Variants in ABCB7 observed in about 807,000 individuals in gnomAD.
The protein encoded by ABCB7 is iron-sulfur clusters transporter ABCB7, mitochondrial.
In ABCB7, 7 loss-of-function variants were observed where a neutral mutation model predicts 54.4. That is an observed-to-expected ratio of 0.13 (90% CI 0.07 to 0.24). ABCB7 has a LOEUF of 0.24. Ranked by LOEUF, ABCB7 falls within the 10% of genes least tolerant of loss-of-function variation. The pLI is 1.00. For synonymous variants in ABCB7, 218 were observed against 207.1 expected (o/e 1.05, Z -0.45); for missense variants, 356 against 570.4 (o/e 0.62, Z 3.83).
intron 12 of ABCB7, among the ~76,000 whole-genome samples, chrX:75,068,804 G>A (rs1233749046): frequency 9.0e-6 from 1 of 111,471 alleles, no homozygotes; most frequent in East Asian, 2.8e-4. Context: ...TCATTCCAGG[G>A]CTTCCTATCA....
chrX:75,142,901 G>A (rs2082064325), intron 1 of ABCB7, among the ~76,000 whole-genome samples: 1 of 112,321 alleles, frequency 8.9e-6, no homozygotes, highest in South Asian at 3.7e-4. Context: ...CCCAATAAGT[G>A]TTTGTTAAAA....
At chrX:75,149,615 G>A (rs1307318552) in intron 1 of ABCB7, among the ~76,000 whole-genome samples, 5 of 111,351 alleles carry the variant, frequency 4.5e-5, no homozygotes, top group South Asian at 7.5e-4. Context: ...GTAACATACC[G>A]TGCCTAGCTC....
intron 3 of ABCB7, among the ~76,000 whole-genome samples, chrX:75,100,793 A>G (rs1602371528): frequency 8.9e-6 from 1 of 112,047 alleles, no homozygotes; most frequent in Non-Finnish European, 1.9e-5. Context: ...GTTGTAACTC[A>G]AAGCCAAATA....
intron 1 of ABCB7, among the ~76,000 whole-genome samples, chrX:75,138,398 T>C (rs1602410510): frequency 8.9e-6 from 1 of 112,386 alleles, no homozygotes; most frequent in Non-Finnish European, 1.9e-5. Flanking sequence ...TATTGTTCAA[T>C]CTGTATTTAA....
intron 4 of ABCB7, among the ~76,000 whole-genome samples, chrX:75,082,268 C>G (rs774769726): frequency 3.7e-4 from 41 of 111,548 alleles, no homozygotes; most frequent in African/African-American, 1.3e-3. Context: ...CCACAGAGGC[C>G]AGCAGTAAGT....
At chrX:75,148,287 A>G (rs1166710472) in intron 1 of ABCB7, among the ~76,000 whole-genome samples, 3 of 111,597 alleles carry the variant, frequency 2.7e-5, no homozygotes, top group African/African-American at 9.8e-5. Context: ...TATTTTTCTC[A>G]TTGTAAAAAC....
chrX:75,145,547 T>C lies in ABCB7; in HGVS notation c.168+10558A>G, dbSNP rs143769021. ...TTCAACATCTATTCATGTTAAAAAC[T>C]CTCAATAAACTAGATATTGAAGGAA... is the stretch of plus-strand genomic sequence containing the variant. On this transcript the variant is annotated intron_variant, in intron 1 of 15. Transcript: ENST00000373394. 5.7e-3 allele frequency among the ~76,000 whole-genome samples: 632 copies of C among 111,569 alleles called. 3 individuals carry two copies. Among genetic ancestry groups the C allele is most frequent in the African/African-American group, 0.02 (609 of 30,675 alleles).
At chrX:75,113,108 A>G in intron 2 of ABCB7, 136 bp from the exon 3 acceptor site, 1 of 501,763 alleles carries the variant, frequency 2.0e-6, no homozygotes, top group Non-Finnish European at 3.5e-6. Flanking sequence ...TGGCATAGTA[A>G]AGCAAAACAC....
intron 1 of ABCB7, among the ~76,000 whole-genome samples, chrX:75,128,995 G>A (rs752734687): frequency 3.6e-5 from 4 of 111,996 alleles, no homozygotes; most frequent in Non-Finnish European, 7.5e-5. Flanking sequence ...TACACTGTTG[G>A]TGGGAGTGTA....
intron 3 of ABCB7, among the ~76,000 whole-genome samples, chrX:75,112,112 G>GT (rs2081766127): frequency 8.9e-6 from 1 of 111,853 alleles, no homozygotes; most frequent in Non-Finnish European, 1.9e-5. Flanking sequence ...ACTGAAAACT[G>GT]TTTCCTGCCA....
chrX:75,115,410 CTTTTTTT>C (rs747398607), intron 1 of ABCB7, among the ~76,000 whole-genome samples: 3 of 30,179 alleles, frequency 9.9e-5, no homozygotes, highest in Non-Finnish European at 1.1e-4. Flanking sequence ...TGTCTCTTTT[CTTTTTTT>C]TTTTTTTTTT....
intron 4 of ABCB7, among the ~76,000 whole-genome samples, chrX:75,087,855 C>T (rs1369748593): frequency 1.8e-5 from 2 of 111,554 alleles, no homozygotes; most frequent in Non-Finnish European, 3.8e-5. Flanking sequence ...CTTGTTTTAC[C>T]TTATTTCATG....
chrX:75,083,900 C>T (rs1041469004), intron 4 of ABCB7, among the ~76,000 whole-genome samples: 61 of 110,862 alleles, frequency 5.5e-4, no homozygotes, highest in Middle Eastern at 9.3e-3. Flanking sequence ...TTTTACATAG[C>T]AAAATGAACT....
chrX:75,086,048 T>C (rs1312478858), intron 4 of ABCB7, among the ~76,000 whole-genome samples: 1 of 110,166 alleles, frequency 9.1e-6, no homozygotes, highest in Non-Finnish European at 1.9e-5. Context: ...GGTTTCACCA[T>C]GTTGGCCAGG....
intron 1 of ABCB7, among the ~76,000 whole-genome samples, chrX:75,140,860 C>T (rs2082048459): frequency 9.0e-6 from 1 of 111,224 alleles, no homozygotes; most frequent in Non-Finnish European, 1.9e-5. Context: ...GAATACAAAC[C>T]AAGACCAAAT....
chrX:75,079,661 C>G (rs747512522), intron 4 of ABCB7, among the ~76,000 whole-genome samples: 4 of 111,759 alleles, frequency 3.6e-5, no homozygotes, highest in Admixed American at 2.8e-4. Flanking sequence ...CCGTTAACTA[C>G]TGGACTAGAG....
intron 2 of ABCB7, 43 bp downstream of exon 2, chrX:75,114,711 A>G (rs1390758164): frequency 9.0e-7 from 1 of 1,109,562 alleles, no homozygotes; most frequent in Non-Finnish European, 1.2e-6. Context: ...AAGGGTTTAC[A>G]GGTTTTTCCT....
intron 1 of ABCB7, among the ~76,000 whole-genome samples, chrX:75,117,505 T>C (rs2081833543): frequency 9.0e-6 from 1 of 110,942 alleles, no homozygotes. Context: ...GACACTTGAA[T>C]GACCTTGGGT....
chrX:75,143,929 A>G (rs1481971498), intron 1 of ABCB7, among the ~76,000 whole-genome samples: 1 of 111,107 alleles, frequency 9.0e-6, no homozygotes, highest in Non-Finnish European at 1.9e-5. Context: ...GGGTAAGAAA[A>G]TTTTTATTCA....
Sources: allele counts gnomAD v4.1 joint callset (sites outside exome capture counted in the v4.1 genomes callset), GRCh38; gene constraint gnomAD v4.1.1; transcripts MANE v1.5; gene names NCBI Gene and HGNC (gene_info 2026-07-23, HGNC 2026-07-21).